Variants in KCNT2 observed in about 807,000 individuals in gnomAD.
KCNT2 encodes the protein potassium sodium-activated channel subfamily T member 2.
KCNT2 carries 67 observed loss-of-function variants against 153.8 expected under a neutral mutation model. That is an observed-to-expected ratio of 0.44 (90% CI 0.36 to 0.53). KCNT2 has a LOEUF of 0.53. KCNT2 is among the 20% of genes least tolerant of loss of function. The pLI is 0.00. For missense variants in KCNT2, 975 were observed against 1,354.8 expected, an observed-to-expected ratio of 0.72 and a Z score of 4.40; for synonymous variants, 500 against 458.8, an observed-to-expected ratio of 1.09 and a Z score of -1.15.
At chr1:196,507,180 G>A (rs1170491897) in intron 1 of KCNT2, among the ~76,000 whole-genome samples, 2 of 152,062 alleles carry the variant, frequency 1.3e-5, no homozygotes, top group African/African-American at 2.4e-5. Flanking sequence ...CCTCTTTGAT[G>A]AAACCATCTC....
intron 12 of KCNT2, among the ~76,000 whole-genome samples, chr1:196,410,545 T>C (rs1424974746): frequency 6.6e-6 from 1 of 151,366 alleles, no homozygotes; most frequent in African/African-American, 2.4e-5. Context: ...TGTGCACATG[T>C]ACCCTAAAAC....
intron 22 of KCNT2, among the ~76,000 whole-genome samples, chr1:196,288,929 C>T (rs1246413315): frequency 1.3e-5 from 2 of 152,064 alleles, no homozygotes; most frequent in Non-Finnish European, 2.9e-5. Flanking sequence ...AGTGTTTCCG[C>T]TTACTAATTG....
At chr1:196,476,236 T>A (rs1452131369) in intron 5 of KCNT2, among the ~76,000 whole-genome samples, 1 of 152,132 alleles carries the variant, frequency 6.6e-6, no homozygotes, top group African/African-American at 2.4e-5. Context: ...GTGGAAGGGA[T>A]AGGATTAATT....
intron 8 of KCNT2, among the ~76,000 whole-genome samples, chr1:196,455,027 A>C (rs193254465): frequency 6.6e-6 from 1 of 152,102 alleles, no homozygotes; most frequent in East Asian, 1.9e-4. Context: ...TTCACCTTCT[A>C]GTGGACTCTT....
intron 1 of KCNT2, among the ~76,000 whole-genome samples, chr1:196,601,493 G>C (rs1664717822): frequency 6.6e-6 from 1 of 152,174 alleles, no homozygotes. Flanking sequence ...TTTAATGTCT[G>C]TGAAAGAACG....
intron 1 of KCNT2, among the ~76,000 whole-genome samples, chr1:196,542,327 G>A (rs1024215977): frequency 6.6e-6 from 1 of 152,044 alleles, no homozygotes. Context: ...GTCTTTTCAG[G>A]ACAAGAATAT....
intron 1 of KCNT2, among the ~76,000 whole-genome samples, chr1:196,598,333 C>A (rs1240241804): frequency 6.6e-6 from 1 of 152,104 alleles, no homozygotes; most frequent in African/African-American, 2.4e-5. Context: ...CTATTTCAGT[C>A]AATCAATCAA....
At chr1:196,235,673 G>A (rs1164343860) in intron 27 of KCNT2, among the ~76,000 whole-genome samples, 1 of 151,278 alleles carries the variant, frequency 6.6e-6, no homozygotes, top group African/African-American at 2.4e-5. Context: ...TAGACAGTGT[G>A]GGATATTTCA....
chr1:196,383,230 A>C (rs1028266297), intron 13 of KCNT2, among the ~76,000 whole-genome samples: 3 of 152,342 alleles, frequency 2.0e-5, no homozygotes, highest in African/African-American at 7.2e-5. Flanking sequence ...AAGAAAGAAC[A>C]GGTCGTAACC....
intron 25 of KCNT2, chr1:196,273,559 C>A: frequency 9.1e-7 from 1 of 1,101,544 alleles, no homozygotes; most frequent in Non-Finnish European, 1.3e-6. Context: ...TAGATGCATG[C>A]CAACAATCAG....
At chr1:196,448,070 G>A (rs950914259) in intron 8 of KCNT2, among the ~76,000 whole-genome samples, 1 of 151,602 alleles carries the variant, frequency 6.6e-6, no homozygotes, top group Admixed American at 6.6e-5. Flanking sequence ...ACCACAACAT[G>A]TCATCCCCTG....
At chr1:196,565,592 C>CAT (rs138353023) in intron 1 of KCNT2, among the ~76,000 whole-genome samples, 10,470 of 145,104 alleles carry the variant, frequency 0.072, 405 homozygotes, top group Middle Eastern at 0.11. Context: ...AATCATTATA[C>CAT]ATATATATAT....
intron 23 of KCNT2, among the ~76,000 whole-genome samples, chr1:196,283,153 A>G (rs1228308160): frequency 6.6e-6 from 1 of 152,214 alleles, no homozygotes; most frequent in Non-Finnish European, 1.5e-5. Context: ...CTAAAATTGA[A>G]CCTTTAAAAA....
chr1:196,249,230 A>T (rs1364228245), intron 26 of KCNT2, among the ~76,000 whole-genome samples: 1 of 152,168 alleles, frequency 6.6e-6, no homozygotes, highest in African/African-American at 2.4e-5. Flanking sequence ...CCTTTTCTCT[A>T]AGATCTGGAA....
chr1:196,507,709 A>C (rs1165051625), intron 1 of KCNT2, among the ~76,000 whole-genome samples: 1 of 152,172 alleles, frequency 6.6e-6, no homozygotes, highest in Non-Finnish European at 1.5e-5. Flanking sequence ...TATGTTTTTA[A>C]CCTTTTGAAA....
At position 196,258,255 on chromosome 1, in the gene KCNT2, T is replaced by C. The variant is rs201142057; in HGVS notation, c.3150A>G (p.Gln1050=). The C allele has an allele frequency of 4.3e-6, 7 of 1,612,660 alleles. No homozygotes were observed. Among genetic ancestry groups the C allele is most frequent in the Non-Finnish European group, 5.9e-6 (7 of 1,178,794 alleles). ...RLNLYRRSER[Q]ELAELVKNRM... is the part of the protein sequence containing the mutation. ...TATTTTTCACAAGTTCAGCAAGCTC[T>C]TGTCTTTCTGACCTCCTGTAGAGGT... Residue 1050 remains glutamine, a synonymous_variant, in exon 26 of 28, where the codon CAA becomes CAG. Coordinates refer to ENST00000294725, the MANE Select transcript of KCNT2 (RefSeq NM_198503.5).
chr1:196,362,234 T>C lies in KCNT2; in HGVS notation c.1403+10906A>G, dbSNP rs200911677. Among the ~76,000 whole-genome samples the C allele has an allele frequency of 2.2e-4, 33 of 152,078 alleles. No individual in the cohort carries two copies. In the East Asian group the frequency reaches 4.8e-3, roughly 22 times the overall value. On this transcript the variant is annotated intron_variant, in intron 14 of 27. Transcript: ENST00000294725. Reference sequence around the variant, plus strand: ...GATTCCCTGGGGCTTCTGTGAGGAGTTTAGGATTAAAGGGAAACAAAGTCT... The same window carrying C: ...GATTCCCTGGGGCTTCTGTGAGGAGCTTAGGATTAAAGGGAAACAAAGTCT...
At chr1:196,460,906 T>C (rs900633617) in intron 8 of KCNT2, among the ~76,000 whole-genome samples, 1 of 151,788 alleles carries the variant, frequency 6.6e-6, no homozygotes, top group Non-Finnish European at 1.5e-5. Flanking sequence ...TCAAAAATTA[T>C]ACATAGCCAT....
chr1:196,304,438 C>T (rs1482971220), intron 22 of KCNT2, among the ~76,000 whole-genome samples: 7 of 152,072 alleles, frequency 4.6e-5, no homozygotes, highest in South Asian at 2.1e-4. Context: ...ACTGCAGCGT[C>T]GAAATTTTGG....
Sources: gnomAD v4.1 joint callset for allele counts (sites outside exome capture counted in the v4.1 genomes callset) on GRCh38, gnomAD v4.1.1 for gene constraint, MANE v1.5 for transcripts, NCBI Gene and HGNC (gene_info 2026-07-23, HGNC 2026-07-21) for gene names.